The following MRC1 variants were observed in gnomAD, a reference collection of about 807,000 sequenced individuals.
The protein encoded by MRC1 is mannose receptor C-type 1, also known as macrophage mannose receptor 1.
MRC1 carries 62 observed loss-of-function variants against 102.9 expected under a neutral mutation model. That is an observed-to-expected ratio of 0.60 (90% CI 0.49 to 0.74). The LOEUF is 0.74. MRC1 is among the 30% of genes least tolerant of loss of function. The pLI is 0.00. For synonymous variants in MRC1, 457 were observed against 298.4 expected, an observed-to-expected ratio of 1.53 and a Z score of -5.48; for missense variants, 1,237 against 862.8, an observed-to-expected ratio of 1.43 and a Z score of -5.43.
At chr10:17,879,115 G>A (rs889980624) in intron 18 of MRC1, among the ~76,000 whole-genome samples, 3 of 152,106 alleles carry the variant, frequency 2.0e-5, no homozygotes, top group Non-Finnish European at 2.9e-5. Context: ...CGGGGAGTAC[G>A]ATGGGAGGAT....
chr10:17,830,909 G>A, intron 3 of MRC1, among the ~76,000 whole-genome samples: 1 of 150,432 alleles, frequency 6.6e-6, no homozygotes, highest in African/African-American at 2.5e-5. Context: ...TATTTTTGGA[G>A]ACAGAGTCTT....
chr10:17,886,283 TCTTC>T (rs537058208), intron 22 of MRC1, among the ~76,000 whole-genome samples: 42,596 of 144,622 alleles, frequency 0.29, 6,841 homozygotes, highest in Non-Finnish European at 0.36. Context: ...ATGGGTGTTT[TCTTC>T]CTTCCTTCCT....
chr10:17,857,009 C>T (rs1833102846), intron 9 of MRC1, among the ~76,000 whole-genome samples: 2 of 152,170 alleles, frequency 1.3e-5, no homozygotes, highest in Non-Finnish European at 2.9e-5. Context: ...TTCTTTTCTA[C>T]TTTCTCATTT....
intron 8 of MRC1, among the ~76,000 whole-genome samples, chr10:17,853,345 T>G (rs1219547163): frequency 6.6e-6 from 1 of 152,130 alleles, no homozygotes; most frequent in Non-Finnish European, 1.5e-5. Flanking sequence ...ACAGAAACTT[T>G]TGGGTCAAGG....
chr10:17,811,999 A>C (rs1554837477), intron 1 of MRC1, among the ~76,000 whole-genome samples: 1 of 151,630 alleles, frequency 6.6e-6, no homozygotes, highest in South Asian at 2.1e-4. Flanking sequence ...AAGCCCCAAC[A>C]CCTCTCCCCT....
intron 22 of MRC1, among the ~76,000 whole-genome samples, chr10:17,892,392 C>G (rs1217509904): frequency 3.3e-5 from 5 of 152,206 alleles, no homozygotes; most frequent in African/African-American, 1.2e-4. Context: ...TACTTGTTCC[C>G]TTTTTCTGCT....
chr10:17,903,831 C>T (rs1287414209), intron 26 of MRC1, among the ~76,000 whole-genome samples: 7 of 152,046 alleles, frequency 4.6e-5, no homozygotes, highest in African/African-American at 1.7e-4. Flanking sequence ...TGGTGGGTGC[C>T]TGCAATCCCA....
chr10:17,880,165 A>G (rs1370826126), intron 19 of MRC1, among the ~76,000 whole-genome samples: 1 of 152,282 alleles, frequency 6.6e-6, no homozygotes, highest in South Asian at 2.1e-4. Flanking sequence ...GACACAATCT[A>G]TCAATTGTTG....
chr10:17,840,774 G>T lies in MRC1; in HGVS notation c.884G>T (p.Arg295Leu), dbSNP rs541361748. 1 of 780,844 alleles carries T rather than the reference G, an allele frequency of 1.3e-6. No individual in the cohort carries two copies. 48.4% of individuals were successfully genotyped at this position (780,844 alleles called of 1,614,324 possible). A position where few individuals can be genotyped will look rare whatever the true frequency, so the allele number is the denominator to read the frequency against. The change falls in exon 5 of 30, where the codon CGC becomes CTC. Residue 295 changes from arginine to leucine, a missense_variant. Transcript: ENST00000569591. ...SFNSGWQWSD[R>L]SPFRYLNWLP... is the part of the protein sequence containing the mutation. ...AACAGCGGTTGGCAGTGGAGTGACC[G>T]CAGTCCTTTCCGATATTTGAACTGG... is the stretch of plus-strand genomic sequence containing the variant.
intron 17 of MRC1, among the ~76,000 whole-genome samples, chr10:17,876,388 C>T (rs1194836723): frequency 6.6e-6 from 1 of 152,026 alleles, no homozygotes; most frequent in African/African-American, 2.4e-5. Context: ...GCTGGGACTA[C>T]AGGCGCACAC....
intron 21 of MRC1, among the ~76,000 whole-genome samples, chr10:17,882,309 A>G (rs1833531535): frequency 3.3e-5 from 5 of 151,946 alleles, no homozygotes; most frequent in African/African-American, 1.2e-4. Context: ...CGCCTCAGAT[A>G]GAAGACGTGG....
intron 22 of MRC1, among the ~76,000 whole-genome samples, chr10:17,886,735 A>C (rs1833601970): frequency 6.6e-6 from 1 of 152,180 alleles, no homozygotes; most frequent in Admixed American, 6.5e-5. Context: ...AAACATAATA[A>C]TTAGGGGAAC....
At chr10:17,880,975 A>G (rs1207174119) in intron 20 of MRC1, 92 bp from the exon 21 acceptor site, 7 of 764,888 alleles carry the variant, frequency 9.2e-6, no homozygotes, top group African/African-American at 8.6e-5. Context: ...TATAATCTTC[A>G]TGAATAATTT....
intron 5 of MRC1, among the ~76,000 whole-genome samples, chr10:17,843,057 G>A (rs1838774085): frequency 6.6e-6 from 1 of 152,150 alleles, no homozygotes; most frequent in African/African-American, 2.4e-5. Flanking sequence ...TTGAAGTGAG[G>A]ATGTTTTGCA....
At chr10:17,875,656 A>G (rs1833426312) in intron 17 of MRC1, among the ~76,000 whole-genome samples, 2 of 151,848 alleles carry the variant, frequency 1.3e-5, no homozygotes, top group African/African-American at 4.8e-5. Context: ...TTCTTTATCC[A>G]CTCATTGGCT....
Position 17,833,694 on chromosome 10 carries a change from A to T in MRC1, c.657A>T (p.Leu219Phe), listed in dbSNP as rs1554839228. ...CPLKFEGSESLWNKDPLTSVS... is the reference protein window; with the variant it reads ...CPLKFEGSESFWNKDPLTSVS... Reference sequence around the variant, plus strand: ...TCACAGTTGAGGGCAGTGAAAGCTTATGGAATAAAGACCCGCTGACCAGCG... The same window carrying T: ...TCACAGTTGAGGGCAGTGAAAGCTTTTGGAATAAAGACCCGCTGACCAGCG... Residue 219 changes from leucine (L) to phenylalanine (F), a missense_variant, in exon 4 of 30, where the codon TTA becomes TTT. Physicochemically the swap from Leu to Phe is conservative, Grantham distance 22 (BLOSUM62 0). Coordinates refer to ENST00000569591, the MANE Select transcript of MRC1 (RefSeq NM_002438.4). The T allele has an allele frequency of 1.3e-6, 1 of 781,054 alleles. No homozygotes were observed. The allele number at this position is 781,054 out of a possible 1,614,324, so 48.4% of individuals were successfully genotyped here.
intron 22 of MRC1, among the ~76,000 whole-genome samples, chr10:17,890,774 C>T (rs1194406145): frequency 6.6e-6 from 1 of 152,106 alleles, no homozygotes; most frequent in African/African-American, 2.4e-5. Context: ...GTCTGCAACC[C>T]GTGGGCCACA....
intron 1 of MRC1, among the ~76,000 whole-genome samples, chr10:17,817,234 A>G (rs1838326606): frequency 7.3e-6 from 1 of 136,438 alleles, no homozygotes. Flanking sequence ...TGGGCGACAG[A>G]GTGACTCTGT....
chr10:17,819,300 A>G (rs886617646), intron 1 of MRC1, among the ~76,000 whole-genome samples: 2,115 of 152,302 alleles, frequency 0.014, 41 homozygotes, highest in African/African-American at 0.048. Flanking sequence ...GGCTCCTCCC[A>G]GAAAACTGGG....
Sources: gnomAD v4.1 joint callset for allele counts (sites outside exome capture counted in the v4.1 genomes callset) on GRCh38, gnomAD v4.1.1 for gene constraint, MANE v1.5 for transcripts, NCBI Gene and HGNC (gene_info 2026-07-23, HGNC 2026-07-21) for gene names.